The following TSPAN32 variants were observed in gnomAD, a reference collection of about 807,000 sequenced individuals.
The protein encoded by TSPAN32 is tetraspanin-32.
In TSPAN32, 47 loss-of-function variants were observed where a neutral mutation model predicts 42.7. The ratio of observed to expected loss-of-function variants is 1.10; its 90% CI spans 0.87 to 1.40. TSPAN32 has a LOEUF of 1.40. TSPAN32 is among the 40% of genes most tolerant of loss of function. The probability of loss-of-function intolerance (pLI) is 0.00; values close to 1 mark genes in which losing one functional copy is unlikely to be tolerated. For missense variants in TSPAN32, 469 were observed against 424.1 expected, an observed-to-expected ratio of 1.11 and a Z score of -0.93; for synonymous variants, 175 against 175.9, an observed-to-expected ratio of 0.99 and a Z score of 0.04.
At chr11:2,305,374 C>CA (rs1554938610) in intron 3 of TSPAN32, among the ~76,000 whole-genome samples, 3 of 149,386 alleles carry the variant, frequency 2.0e-5, no homozygotes, top group Non-Finnish European at 3.0e-5. Context: ...TAGTCTGCCC[C>CA]CCCCCCCAGA....
Position 2,302,739 on chromosome 11 carries a change from C to T in TSPAN32, c.67-105C>T, listed in dbSNP as rs1589791988. On this transcript the variant is annotated intron_variant, in intron 1 of 9. Coordinates refer to ENST00000182290, the MANE Select transcript of TSPAN32 (RefSeq NM_139022.3). ...TCCCTGCAGCTGAGCCTGTCTCTCACGGGACCGGGAAGCTGGAGAGAGCCC... is the reference window on the plus strand; with the variant it reads ...TCCCTGCAGCTGAGCCTGTCTCTCATGGGACCGGGAAGCTGGAGAGAGCCC... The T allele has an allele frequency of 5.7e-6, 5 of 883,048 alleles. No homozygotes were observed. The East Asian group carries it at 8.0e-5, about 14-fold the overall frequency. 54.7% of individuals were successfully genotyped at this position (883,048 alleles called of 1,614,324 possible).
Position 2,318,118 on chromosome 11 carries a change from C to T in TSPAN32, c.*194C>T. 1.8e-6 allele frequency: 1 copy of T among 558,378 alleles called. No homozygotes were observed. Among genetic ancestry groups the T allele is most frequent in the African/African-American group, 1.9e-5 (1 of 52,248 alleles). 34.6% of individuals were successfully genotyped at this position (558,378 alleles called of 1,614,324 possible). A position where few individuals can be genotyped will look rare whatever the true frequency, so the allele number is the denominator to read the frequency against. On this transcript the variant is annotated 3_prime_UTR_variant, in exon 10 of 10. Transcript: ENST00000182290. The surrounding 1 kb of genome is among the most constrained non-coding windows in gnomAD (Gnocchi z 4.2). ...ATTGAGCAAATTGTGGTCAAATATACATCACATCAAATTTACCATCTTAAC... is the reference window on the plus strand; with the variant it reads ...ATTGAGCAAATTGTGGTCAAATATATATCACATCAAATTTACCATCTTAAC...
chr11:2,302,785 G>A (rs772819606), intron 1 of TSPAN32, 59 bp from the exon 2 acceptor site: 15 of 1,461,692 alleles, frequency 1.0e-5, no homozygotes, highest in Admixed American at 5.4e-5. Flanking sequence ...CGCTGGGGCC[G>A]AGCTCCCTGC....
intron 4 of TSPAN32, among the ~76,000 whole-genome samples, chr11:2,310,344 G>A (rs1189873563): frequency 6.6e-6 from 1 of 152,208 alleles, no homozygotes; most frequent in Non-Finnish European, 1.5e-5. Flanking sequence ...GGAAGGGGGT[G>A]CAAGAAGATA....
chr11:2,315,170 C>G, intron 6 of TSPAN32: 1 of 672,746 alleles, frequency 1.5e-6, no homozygotes. Context: ...TCCCCCAGCC[C>G]ACCCTGCCCC....
In TSPAN32 at chr11:2,314,527, A is replaced by G; in HGVS notation, c.499A>G (p.Ser167Gly). ...GAAGTCTCCTTTCAGCCGTCTGGGG[A>G]GCACAGAGGCTGACCTGTGTCAGGG... ...GKKSPFSRLG[S>G]TEADLCQGEE... The change falls in exon 6 of 10, where the codon AGC becomes GGC. Residue 167 changes from serine (S) to glycine (G), a missense_variant. Physicochemically the swap from Ser to Gly is moderately conservative, Grantham distance 56. Coordinates refer to ENST00000182290, the MANE Select transcript of TSPAN32 (RefSeq NM_139022.3). 6.2e-7 allele frequency: 1 copy of G among 1,612,342 alleles called. No homozygotes were observed. Among genetic ancestry groups the G allele is most frequent in the South Asian group, 1.1e-5 (1 of 90,536 alleles).
At position 2,317,817 on chromosome 11, in the gene TSPAN32, G is replaced by A. The variant is rs1414480857; in HGVS notation, c.902-46G>A. On this transcript the variant is annotated intron_variant, in intron 9 of 9. Transcript: ENST00000182290. This position sits in a 1 kb window ranked among gnomAD's most constrained non-coding sequence, Gnocchi z 6.2. ...GGTTTTCTATGCTGCGTAAGAAGCAGCATGGATGTAAGGACTGCAAGCAGT... is the reference window on the plus strand; with the variant it reads ...GGTTTTCTATGCTGCGTAAGAAGCAACATGGATGTAAGGACTGCAAGCAGT... 6 of 1,606,594 alleles carry A rather than the reference G, an allele frequency of 3.7e-6. No individual in the cohort carries two copies. The East Asian group carries it at 8.9e-5, about 24-fold the overall frequency.
chr11:2,307,612 G>A (rs1848195041), intron 3 of TSPAN32, among the ~76,000 whole-genome samples: 2 of 152,208 alleles, frequency 1.3e-5, no homozygotes, highest in South Asian at 4.1e-4. Flanking sequence ...ACTGTATCGG[G>A]GGCATCTGTA....
chr11:2,313,617 ACCAGGG>A lies in TSPAN32; in HGVS notation c.355-31_355-26del. 6.5e-7 allele frequency: 1 copy of A among 1,542,498 alleles called. No homozygotes were observed. Among genetic ancestry groups the A allele is most frequent in the South Asian group, 1.2e-5 (1 of 85,068 alleles). On this transcript the variant is annotated intron_variant, in intron 4 of 9. Transcript: ENST00000182290. The surrounding 1 kb of genome is among the most constrained non-coding windows in gnomAD (Gnocchi z 9.1). Reference sequence around the variant, plus strand: ...AGGGGGCTGTGTCCCCGGATCTCCCACCAGGGCCAGGACCTCCCTGTGGTCTCTCGG... The same window carrying A: ...AGGGGGCTGTGTCCCCGGATCTCCCACCAGGACCTCCCTGTGGTCTCTCGG...
chr11:2,315,799 A>AC, intron 6 of TSPAN32: 6 of 1,314,454 alleles, frequency 4.6e-6, no homozygotes, highest in Middle Eastern at 5.6e-4. Context: ...CTGTGCGGGG[A>AC]CCCCCCTCAC....
At position 2,316,946 on chromosome 11, in the gene TSPAN32, G is replaced by A. The variant is rs1848834184; in HGVS notation, c.719+279G>A. Among the ~76,000 whole-genome samples, 3 of 152,100 alleles carry A rather than the reference G, an allele frequency of 2.0e-5. No homozygotes were observed. In the South Asian group the frequency reaches 6.2e-4, roughly 31 times the overall value. On this transcript the variant is annotated intron_variant, in intron 8 of 9. Coordinates refer to ENST00000182290, the MANE Select transcript of TSPAN32 (RefSeq NM_139022.3). The stretch of plus-strand genomic sequence containing the variant: ...GGAGATGGATGCTTCTGGGCCTCCA[G>A]GTTATAGCCCCAGGCCAGGATCTCT...
At chr11:2,308,322 G>A (rs1848232841) in intron 3 of TSPAN32, among the ~76,000 whole-genome samples, 1 of 152,174 alleles carries the variant, frequency 6.6e-6, no homozygotes, top group African/African-American at 2.4e-5. Context: ...ATCCTGCTGG[G>A]GGCGCAGCCT....
chr11:2,316,607 G>A lies in TSPAN32; in HGVS notation c.659G>A (p.Trp220Ter). The A allele has an allele frequency of 6.4e-7, 1 of 1,557,480 alleles. No homozygotes were observed. Among genetic ancestry groups the A allele is most frequent in the Non-Finnish European group, 8.7e-7 (1 of 1,149,456 alleles). Residue 220 changes from tryptophan to a stop codon, truncating the protein, a stop_gained, in exon 8 of 10, where the codon TGG becomes TAG. Coordinates refer to ENST00000182290, the MANE Select transcript of TSPAN32 (RefSeq NM_139022.3). LOFTEE classifies it high-confidence loss of function. ...GCCTTGCTCTTCAGCTCCTTCCTGT[G>A]GTTTGCCATCCGCTGTGGCTGCAGC... ...VSALLFSSFL[W>*]FAIRCGCSLD...
chr11:2,316,781 C>A, intron 8 of TSPAN32, 114 bp downstream of exon 8: 1 of 1,189,428 alleles, frequency 8.4e-7, no homozygotes, highest in Non-Finnish European at 1.1e-6. Flanking sequence ...CCCAGGCTGA[C>A]ACTGTAGAGG....
At chr11:2,309,237 G>C in intron 4 of TSPAN32, 1 of 428,876 alleles carries the variant, frequency 2.3e-6, no homozygotes, top group Non-Finnish European at 5.0e-6. Flanking sequence ...CTGATGGCCT[G>C]GTGGGGCAGA....
At chr11:2,302,298 T>C (rs2074021) in intron 1 of TSPAN32, 83 bp downstream of exon 1, 1,094,077 of 1,281,266 alleles carry the variant, frequency 0.85, 472,563 homozygotes, top group Non-Finnish European at 0.88. Context: ...ACAGGGATTA[T>C]CCCTCCCCTG....
chr11:2,302,046 T>C lies in TSPAN32; in HGVS notation c.-104T>C. 2 of 1,496,500 alleles carry C rather than the reference T, an allele frequency of 1.3e-6. No individual in the cohort carries two copies. Among genetic ancestry groups the C allele is most frequent in the East Asian group, 4.6e-5 (2 of 43,092 alleles). The allele number at this position is 1,496,500 out of a possible 1,614,324, so 92.7% of individuals were successfully genotyped here. A position where few individuals can be genotyped will look rare whatever the true frequency, so the allele number is the denominator to read the frequency against. On this transcript the variant is annotated 5_prime_UTR_variant, in exon 1 of 10. It removes an upstream start codon present in the reference 5' UTR. Transcript: ENST00000182290. ...GTTGACAGACAGACAGAGGGGCGGA[T>C]GCAGCCTACCTCCTGGGCAGTGAGC...
At chr11:2,302,312 C>G in intron 1 of TSPAN32, 97 bp downstream of exon 1, 1 of 1,231,012 alleles carries the variant, frequency 8.1e-7, no homozygotes. Context: ...TCCCCTGACA[C>G]ACACACCAGC....
intron 5 of TSPAN32, 87 bp from the exon 6 acceptor site, chr11:2,314,398 T>G: frequency 3.7e-6 from 4 of 1,068,566 alleles, no homozygotes; most frequent in Admixed American, 4.0e-5. Context: ...ACCTGGATAC[T>G]TGTGGTGCCT....
Sources: allele counts gnomAD v4.1 joint callset (sites outside exome capture counted in the v4.1 genomes callset), GRCh38; gene constraint gnomAD v4.1.1; non-coding constraint Gnocchi (gnomAD v3.1); transcripts MANE v1.5; gene names NCBI Gene and HGNC (gene_info 2026-07-23, HGNC 2026-07-21).